Variants in FREM2 observed in about 807,000 individuals in gnomAD.
FREM2 encodes the protein FRAS1 related extracellular matrix 2, also known as FRAS1-related extracellular matrix protein 2.
Under a neutral mutation model 219.9 loss-of-function variants are expected in FREM2, and 119 were observed. That is an observed-to-expected ratio of 0.54 (90% CI 0.47 to 0.63). FREM2 has a LOEUF of 0.63. Among genes scored for constraint, FREM2 ranks in the 30% least tolerant of loss-of-function variants. The pLI is 0.00. For missense variants in FREM2, 4,030 were observed against 3,993.6 expected (o/e 1.01, Z -0.25); for synonymous variants, 1,562 against 1,522.8 (o/e 1.03, Z -0.60).
At chr13:38,794,342 T>C (rs1874684014) in intron 6 of FREM2, among the ~76,000 whole-genome samples, 1 of 152,132 alleles carries the variant, frequency 6.6e-6, no homozygotes, top group East Asian at 1.9e-4. Context: ...CACATCTCAG[T>C]GTCTGAGTTT....
At chr13:38,777,511 A>G (rs567206426) in intron 4 of FREM2, among the ~76,000 whole-genome samples, 1 of 152,314 alleles carries the variant, frequency 6.6e-6, no homozygotes, top group South Asian at 2.1e-4. Context: ...CGTGTGCCTC[A>G]GAGGTAAAGT....
Position 38,691,999 on chromosome 13 carries a change from C to T in FREM2, c.4655C>T (p.Thr1552Ile). ...VVSESENKLI[T>I]PFELTVEDRD... Reference sequence around the variant, plus strand: ...AGTGAAAGTGAAAACAAGCTGATTACTCCTTTTGAGCTCACTGTCGAAGAC... The same window carrying T: ...AGTGAAAGTGAAAACAAGCTGATTATTCCTTTTGAGCTCACTGTCGAAGAC... Residue 1552 changes from threonine to isoleucine, a missense_variant, in exon 1 of 24, where the codon ACT becomes ATT. This residue lies in a region of FREM2 where 3,102 missense variants were observed against 2,950.7 expected (regional missense o/e 1.05). Transcript: ENST00000280481. The T allele has an allele frequency of 6.2e-7, 1 of 1,614,234 alleles. No homozygotes were observed. Among genetic ancestry groups the T allele is most frequent in the Non-Finnish European group, 8.5e-7 (1 of 1,180,044 alleles).
chr13:38,769,837 T>C, intron 4 of FREM2, 29 bp downstream of exon 4: 1 of 1,543,036 alleles, frequency 6.5e-7, no homozygotes, highest in Non-Finnish European at 9.0e-7. Flanking sequence ...TGGTTTATGT[T>C]GTTGCTGTTG....
At chr13:38,760,612 A>G (rs183716425) in intron 2 of FREM2, among the ~76,000 whole-genome samples, 46 of 151,680 alleles carry the variant, frequency 3.0e-4, no homozygotes, top group Admixed American at 2.8e-3. Flanking sequence ...GAGTGTCATT[A>G]AACCAATTAC....
At chr13:38,754,895 G>GATTATTATTATTATTATTATTATT (rs1246110589) in intron 2 of FREM2, among the ~76,000 whole-genome samples, 18 of 99,796 alleles carry the variant, frequency 1.8e-4, no homozygotes, top group Non-Finnish European at 2.8e-4. Context: ...TGATGATGAT[G>GATTATTATTATTATTATTATTATT]ATGATGATTA....
Position 38,687,190 on chromosome 13 carries a change from C to A in FREM2, c.-155C>A. On this transcript the variant is annotated 5_prime_UTR_variant, in exon 1 of 24. Coordinates refer to ENST00000280481, the MANE Select transcript of FREM2 (RefSeq NM_207361.6). Reference sequence around the variant, plus strand: ...CTCCAGCCCGGACGGCGCCGCGCAACTTTGCCATCCTTCTGGCCCAGCCCC... The same window carrying A: ...CTCCAGCCCGGACGGCGCCGCGCAAATTTGCCATCCTTCTGGCCCAGCCCC... The A allele has an allele frequency of 9.2e-7, 1 of 1,091,436 alleles. No individual in the cohort carries two copies. The highest frequency in any genetic ancestry group is 1.3e-6 in the Non-Finnish European group (1 of 756,250). 67.6% of individuals were successfully genotyped at this position (1,091,436 alleles called of 1,614,324 possible).
Position 38,751,192 on chromosome 13 carries a change from C to CTTT in FREM2, c.5264-13098_5264-13096dup, listed in dbSNP as rs149240272. On this transcript the variant is annotated intron_variant, in intron 2 of 23. Transcript: ENST00000280481. The stretch of plus-strand genomic sequence containing the variant: ...GGGATTGCTGGATCATATGACAGTT[C>CTTT]TTTTTTTTTTTTTTTTGAGGAACTT... Among the ~76,000 whole-genome samples, 378 of 136,060 alleles carry CTTT rather than the reference C, an allele frequency of 2.8e-3. 6 individuals are homozygous for CTTT. Among genetic ancestry groups the CTTT allele is most frequent in the African/African-American group, 9.3e-3 (347 of 37,130 alleles). 89.3% of individuals were successfully genotyped at this position (136,060 alleles called of 152,430 possible). A position where few individuals can be genotyped will look rare whatever the true frequency, so the allele number is the denominator to read the frequency against.
chr13:38,713,603 G>A (rs990070430), intron 2 of FREM2, among the ~76,000 whole-genome samples: 1 of 152,110 alleles, frequency 6.6e-6, no homozygotes, highest in African/African-American at 2.4e-5. Flanking sequence ...TTTATCTCCT[G>A]TGATTTATCG....
rs1057312558 is a variant in FREM2 at position 38,878,259 on chromosome 13, A to G, written c.8797A>G (p.Met2933Val). The change falls in exon 22 of 24, where the codon ATG (methionine) becomes GTG (valine). Residue 2933 changes from methionine (M) to valine (V), a missense_variant. Physicochemically the swap from Met to Val is conservative, Grantham distance 21. This residue lies in a region of FREM2 where 928 missense variants were observed against 1,042.9 expected (regional missense o/e 0.89). Coordinates refer to ENST00000280481, the MANE Select transcript of FREM2 (RefSeq NM_207361.6). Reference protein sequence around the residue: ...ADGYVPKYSPMNAEYGCLADS... With the variant: ...ADGYVPKYSPVNAEYGCLADS... Reference sequence around the variant, plus strand: ...TGGCTATGTTCCCAAGTATAGTCCAATGAATGCAGAATATGGCTGCTTAGC... The same window carrying G: ...TGGCTATGTTCCCAAGTATAGTCCAGTGAATGCAGAATATGGCTGCTTAGC... 2.1e-5 allele frequency: 34 copies of G among 1,613,694 alleles called. 1 individual carries two copies. The South Asian group carries it at 2.9e-4, about 14-fold the overall frequency.
chr13:38,882,995 CT>C lies in FREM2; in HGVS notation c.*2209del, dbSNP rs995579417. The C allele has an allele frequency of 9.2e-5, 14 of 152,240 alleles. No individual in the cohort carries two copies. Among genetic ancestry groups the C allele is most frequent in the African/African-American group, 3.4e-4 (14 of 41,566 alleles). The allele number at this position is 152,240 out of a possible 1,614,324, so 9.4% of individuals were successfully genotyped here. A position where few individuals can be genotyped will look rare whatever the true frequency, so the allele number is the denominator to read the frequency against. On this transcript the variant is annotated 3_prime_UTR_variant, in exon 24 of 24. Transcript: ENST00000280481. ...CAAGCTGGTTTTATACCAAATTTCACTCTACAATGCATATTCTAATGAAGCT... is the reference window on the plus strand; with the variant it reads ...CAAGCTGGTTTTATACCAAATTTCACCTACAATGCATATTCTAATGAAGCT...
chr13:38,863,202 A>G (rs1221594815), intron 15 of FREM2, among the ~76,000 whole-genome samples: 1 of 152,058 alleles, frequency 6.6e-6, no homozygotes, highest in Non-Finnish European at 1.5e-5. Flanking sequence ...GGCGTGCATC[A>G]CCATGCCTGG....
intron 2 of FREM2, among the ~76,000 whole-genome samples, chr13:38,700,992 T>C (rs1253355660): frequency 2.0e-5 from 3 of 152,094 alleles, no homozygotes; most frequent in Non-Finnish European, 2.9e-5. Flanking sequence ...AATTCTCTTT[T>C]TAAAAACCTT....
At chr13:38,832,332 T>C (rs1428827001) in intron 6 of FREM2, among the ~76,000 whole-genome samples, 1 of 152,150 alleles carries the variant, frequency 6.6e-6, no homozygotes, top group Non-Finnish European at 1.5e-5. Flanking sequence ...AATTTTTTAA[T>C]GATATTATTA....
Position 38,885,867 on chromosome 13 carries a change from A to G in FREM2, c.*5080A>G, listed in dbSNP as rs1270010126. ...GAATAATAAGTCAAATATCACATGT[A>G]TGTAGTTCTTTTGGATGACCGAATA... On this transcript the variant is annotated 3_prime_UTR_variant, in exon 24 of 24. Coordinates refer to ENST00000280481, the MANE Select transcript of FREM2 (RefSeq NM_207361.6). 6.6e-6 allele frequency: 1 copy of G among 152,230 alleles called. No individual in the cohort carries two copies. Among genetic ancestry groups the G allele is most frequent in the Non-Finnish European group, 1.5e-5 (1 of 68,024 alleles). 9.4% of individuals were successfully genotyped at this position (152,230 alleles called of 1,614,324 possible).
intron 6 of FREM2, among the ~76,000 whole-genome samples, chr13:38,825,531 C>T (rs1201270798): frequency 6.6e-6 from 1 of 152,088 alleles, no homozygotes; most frequent in Non-Finnish European, 1.5e-5. Flanking sequence ...AGGTACGTCT[C>T]TGAAAAGCAG....
chr13:38,800,079 G>C (rs991113445), intron 6 of FREM2, among the ~76,000 whole-genome samples: 22 of 151,886 alleles, frequency 1.4e-4, no homozygotes, highest in African/African-American at 5.1e-4. Context: ...TTGTCGTTGT[G>C]GTTTGGTGTT....
At chr13:38,716,405 A>G (rs1299502017) in intron 2 of FREM2, among the ~76,000 whole-genome samples, 2 of 152,178 alleles carry the variant, frequency 1.3e-5, no homozygotes, top group South Asian at 2.1e-4. Flanking sequence ...ATTCCTTAGC[A>G]TCAGCACTGA....
intron 2 of FREM2, among the ~76,000 whole-genome samples, chr13:38,734,003 G>A (rs181482036): frequency 1.1e-3 from 172 of 152,078 alleles, no homozygotes; most frequent in African/African-American, 4.0e-3. Context: ...TATTTAGAAA[G>A]CCCAAATAAA....
At chr13:38,734,166 C>A (rs538257193) in intron 2 of FREM2, among the ~76,000 whole-genome samples, 1,585 of 140,668 alleles carry the variant, frequency 0.011, 25 homozygotes, top group African/African-American at 0.039. Context: ...TGCACACACA[C>A]AAAAAAAAAA....
Sources: allele counts gnomAD v4.1 joint callset (sites outside exome capture counted in the v4.1 genomes callset), GRCh38; gene constraint gnomAD v4.1.1; regional missense constraint gnomAD v4.1.1; transcripts MANE v1.5; gene names NCBI Gene and HGNC (gene_info 2026-07-23, HGNC 2026-07-21).